Variants in LRMDA observed in about 807,000 individuals in gnomAD.
LRMDA encodes leucine rich melanocyte differentiation associated.
Under a neutral mutation model 29.8 loss-of-function variants are expected in LRMDA, and 18 were observed. That is an observed-to-expected ratio of 0.60 (90% CI 0.42 to 0.90). The LOEUF is 0.90. Ranked by LOEUF, LRMDA falls within the 40% of genes least tolerant of loss-of-function variation. LRMDA has a pLI of 0.00. For missense variants in LRMDA, 273 were observed against 273.9 expected, an observed-to-expected ratio of 1.00 and a Z score of 0.02; for synonymous variants, 125 against 109.4, an observed-to-expected ratio of 1.14 and a Z score of -0.89.
chr10:75,995,371 A>G (rs1001438657), intron 2 of LRMDA, among the ~76,000 whole-genome samples: 1 of 152,140 alleles, frequency 6.6e-6, no homozygotes, highest in Non-Finnish European at 1.5e-5. Context: ...AGTCTCAAGG[A>G]TGAGTCTTGG....
intron 6 of LRMDA, among the ~76,000 whole-genome samples, chr10:76,373,323 A>C (rs1841477442): frequency 6.6e-6 from 1 of 152,184 alleles, no homozygotes; most frequent in Admixed American, 6.5e-5. Flanking sequence ...TGGCGATGTG[A>C]GGAAAAAAAG....
chr10:76,237,209 A>G (rs1439614746), intron 5 of LRMDA, among the ~76,000 whole-genome samples: 1 of 152,232 alleles, frequency 6.6e-6, no homozygotes, highest in Non-Finnish European at 1.5e-5. Flanking sequence ...AACAGAAAGA[A>G]AGAAAATGTT....
chr10:76,070,635 C>T (rs1056619512), intron 5 of LRMDA, among the ~76,000 whole-genome samples: 1 of 152,222 alleles, frequency 6.6e-6, no homozygotes, highest in Non-Finnish European at 1.5e-5. Flanking sequence ...ATTCAGTCCA[C>T]AGCAGGGGGC....
intron 5 of LRMDA, among the ~76,000 whole-genome samples, chr10:76,313,209 A>G (rs1169502441): frequency 6.6e-6 from 1 of 152,214 alleles, no homozygotes; most frequent in Non-Finnish European, 1.5e-5. Flanking sequence ...TCTGTAAAAC[A>G]GAACTAGGAG....
At chr10:76,365,465 A>G (rs1321197653) in intron 6 of LRMDA, among the ~76,000 whole-genome samples, 5 of 152,026 alleles carry the variant, frequency 3.3e-5, no homozygotes, top group Non-Finnish European at 7.4e-5. Flanking sequence ...GTGGTATTGC[A>G]TTGTGGTTTT....
At chr10:76,077,248 T>C (rs1012397004) in intron 5 of LRMDA, among the ~76,000 whole-genome samples, 4 of 152,180 alleles carry the variant, frequency 2.6e-5, no homozygotes, top group Non-Finnish European at 5.9e-5. Flanking sequence ...ATCCTCCTAC[T>C]TAGAGGTGAT....
At chr10:75,782,711 T>C (rs1843404463) in intron 2 of LRMDA, 1 of 1,275,154 alleles carries the variant, frequency 7.8e-7, no homozygotes, top group Non-Finnish European at 1.0e-6. Flanking sequence ...GCCAGGCACT[T>C]GTGAGATGGA....
At chr10:75,530,580 A>T (rs1845465951) in intron 2 of LRMDA, among the ~76,000 whole-genome samples, 1 of 152,092 alleles carries the variant, frequency 6.6e-6, no homozygotes, top group Non-Finnish European at 1.5e-5. Context: ...TGCTGTGCCA[A>T]GTGGTGTGTA....
chr10:76,551,508 A>G (rs1843494368), intron 6 of LRMDA, among the ~76,000 whole-genome samples: 1 of 152,196 alleles, frequency 6.6e-6, no homozygotes, highest in South Asian at 2.1e-4. Flanking sequence ...TCAACCTATA[A>G]TTGTTTAACC....
At chr10:75,727,232 A>G (rs912625182) in intron 2 of LRMDA, among the ~76,000 whole-genome samples, 15 of 152,050 alleles carry the variant, frequency 9.9e-5, no homozygotes, top group Non-Finnish European at 2.1e-4. Flanking sequence ...TTTCTGTGGG[A>G]TGGAATCTCG....
At chr10:75,813,924 A>T (rs907702622) in intron 2 of LRMDA, among the ~76,000 whole-genome samples, 1 of 152,218 alleles carries the variant, frequency 6.6e-6, no homozygotes, top group African/African-American at 2.4e-5. Flanking sequence ...TCATTATGCT[A>T]ATAAACACCT....
chr10:75,746,056 G>T (rs368168979), intron 2 of LRMDA, among the ~76,000 whole-genome samples: 5 of 152,188 alleles, frequency 3.3e-5, no homozygotes, highest in African/African-American at 1.2e-4. Flanking sequence ...TTTCTGCACT[G>T]TGAAGTTACT....
rs1237547316 is a variant in LRMDA, at chr10:76,131,685, CTT to C, written c.516+72904_516+72905del. Among the ~76,000 whole-genome samples, 4 of 151,702 alleles carry C rather than the reference CTT, an allele frequency of 2.6e-5. No homozygotes were observed. The East Asian group carries it at 7.8e-4, about 29-fold the overall frequency. The stretch of plus-strand genomic sequence containing the variant: ...ATGGTTTTTTTTTTTAAAGAAAAAC[CTT>C]TGTTTTAATTCATATTGCATTGCTC... On this transcript the variant is annotated intron_variant, in intron 5 of 6. Transcript: ENST00000611255.
intron 2 of LRMDA, among the ~76,000 whole-genome samples, chr10:75,984,225 G>T (rs1345988597): frequency 6.8e-6 from 1 of 148,096 alleles, no homozygotes; most frequent in Non-Finnish European, 1.5e-5. Context: ...GGAGAAAGCT[G>T]CCCTGGGTCC....
intron 2 of LRMDA, among the ~76,000 whole-genome samples, chr10:75,724,791 T>C (rs1016720230): frequency 6.6e-6 from 1 of 152,224 alleles, no homozygotes; most frequent in Non-Finnish European, 1.5e-5. Flanking sequence ...CTGTTTTGTA[T>C]TGCTGGTTTT....
chr10:76,532,807 T>C (rs553852665), intron 6 of LRMDA, among the ~76,000 whole-genome samples: 7 of 152,328 alleles, frequency 4.6e-5, no homozygotes, highest in African/African-American at 1.4e-4. Flanking sequence ...ACTTTAGGAA[T>C]GCATTGTTTT....
intron 2 of LRMDA, among the ~76,000 whole-genome samples, chr10:75,847,979 CAACTGCTATGAA>C (rs1380732093): frequency 6.6e-6 from 1 of 152,146 alleles, no homozygotes; most frequent in Non-Finnish European, 1.5e-5. Context: ...TAAAATGATG[CAACTGCTATGAA>C]AAACAGTATA....
chr10:76,092,477 C>G (rs1337867096), intron 5 of LRMDA, among the ~76,000 whole-genome samples: 3 of 152,224 alleles, frequency 2.0e-5, no homozygotes, highest in Admixed American at 6.5e-5. Flanking sequence ...CTCTCTTCCT[C>G]TATCCCTGTC....
chr10:75,762,815 C>CAT (rs895717990), intron 2 of LRMDA, among the ~76,000 whole-genome samples: 9 of 152,074 alleles, frequency 5.9e-5, no homozygotes, highest in Non-Finnish European at 8.8e-5. Context: ...TATGTGGTCT[C>CAT]ATATATATAT....
Sources: allele counts gnomAD v4.1 joint callset (sites outside exome capture counted in the v4.1 genomes callset), GRCh38; gene constraint gnomAD v4.1.1; transcripts MANE v1.5; gene names NCBI Gene and HGNC (gene_info 2026-07-23, HGNC 2026-07-21).